The following UCKL1 variants were observed in gnomAD, a reference collection of about 807,000 sequenced individuals.
UCKL1 encodes the protein uridine-cytidine kinase 1 like 1.
A neutral mutation model predicts 59.2 loss-of-function variants in UCKL1; 65 were observed. The observed-to-expected ratio is 1.10, with a 90% CI of 0.90 to 1.35. UCKL1 has a LOEUF of 1.35. Ranked by LOEUF, UCKL1 falls within the 40% of genes most tolerant of loss-of-function variation. UCKL1 has a pLI of 0.00. For synonymous variants in UCKL1, 410 were observed against 323.1 expected (o/e 1.27, Z -2.88); for missense variants, 703 against 784.3 (o/e 0.90, Z 1.24).
At chr20:63,950,161 C>T (rs1410526568) in intron 1 of UCKL1, among the ~76,000 whole-genome samples, 1 of 152,214 alleles carries the variant, frequency 6.6e-6, no homozygotes, top group East Asian at 1.9e-4. Context: ...CCCGCCTCAC[C>T]GCAGGCCTGT....
chr20:63,941,388 C>T, intron 8 of UCKL1, 180 bp from the exon 9 acceptor site: 1 of 949,470 alleles, frequency 1.1e-6, no homozygotes, highest in Non-Finnish European at 1.6e-6. Context: ...CCTACCTGAG[C>T]TGTCAGGCAA....
In UCKL1 at chr20:63,956,409, G is replaced by C; in HGVS notation, c.-37C>G. 1.5e-6 allele frequency: 2 copies of C among 1,354,572 alleles called. No homozygotes were observed. Among genetic ancestry groups the C allele is most frequent in the Non-Finnish European group, 1.9e-6 (2 of 1,051,038 alleles). 83.9% of individuals were successfully genotyped at this position (1,354,572 alleles called of 1,614,324 possible). A position where few individuals can be genotyped will look rare whatever the true frequency, so the allele number is the denominator to read the frequency against. On this transcript the variant is annotated 5_prime_UTR_variant, in exon 1 of 15. Coordinates refer to ENST00000354216, the MANE Select transcript of UCKL1 (RefSeq NM_017859.4). Reference sequence around the variant, plus strand: ...GCCTCTTTGCGGGCCTGGCCGGGCGGCGCGCATGGGCCGCCGGGAGCTGGC... The same window carrying C: ...GCCTCTTTGCGGGCCTGGCCGGGCGCCGCGCATGGGCCGCCGGGAGCTGGC...
At chr20:63,946,293 G>T in intron 2 of UCKL1, 26 bp from the exon 3 acceptor site, 1 of 1,565,268 alleles carries the variant, frequency 6.4e-7, no homozygotes, top group Non-Finnish European at 8.7e-7. Context: ...GAGACCCTCT[G>T]TGAGGAACAG....
chr20:63,940,153 T>C lies in UCKL1; in HGVS notation c.1564A>G (p.Ile522Val), dbSNP rs1271439019. ...VNDLFRIIPG[I>V]GNFGDRYFGT... ...TGAAGGGCCCGGGCAGCCTCACCAA[T>C]GCCTGGGATGATGCGGAAAAGGTCA... is the stretch of plus-strand genomic sequence containing the variant. The change falls in exon 14 of 15, where the codon ATT becomes GTT. Residue 522 changes from isoleucine (I) to valine (V), a missense_variant. Physicochemically the swap from Ile to Val is conservative, Grantham distance 29 (BLOSUM62 3). This residue lies in a region of UCKL1 where 124 missense variants were observed against 161.1 expected (regional missense o/e 0.77). Coordinates refer to ENST00000354216, the MANE Select transcript of UCKL1 (RefSeq NM_017859.4). The C allele has an allele frequency of 2.5e-6, 4 of 1,612,242 alleles. No individual in the cohort carries two copies. Among genetic ancestry groups the C allele is most frequent in the Non-Finnish European group, 3.4e-6 (4 of 1,179,912 alleles).
chr20:63,946,407 G>A (rs375211680), intron 2 of UCKL1, 46 bp downstream of exon 2: 324 of 1,512,300 alleles, frequency 2.1e-4, no homozygotes, highest in South Asian at 5.2e-4. Flanking sequence ...GAGGGGAGCC[G>A]GAGGCAGGCG....
intron 1 of UCKL1, among the ~76,000 whole-genome samples, chr20:63,951,398 C>T (rs985910056): frequency 1.3e-5 from 2 of 152,254 alleles, no homozygotes; most frequent in East Asian, 1.9e-4. Flanking sequence ...TACAGTACCC[C>T]GGCCTGCCTG....
intron 6 of UCKL1, 30 bp downstream of exon 6, chr20:63,944,515 C>T: frequency 6.3e-7 from 1 of 1,596,214 alleles, no homozygotes; most frequent in South Asian, 1.1e-5. Context: ...CTGCCCGACA[C>T]CCACCCAACA....
chr20:63,950,224 G>A (rs2057368404), intron 1 of UCKL1, among the ~76,000 whole-genome samples: 2 of 152,166 alleles, frequency 1.3e-5, no homozygotes, highest in African/African-American at 4.8e-5. Flanking sequence ...CTTCTCCAAA[G>A]CTGGTCTGTC....
rs1341138330 is a variant in UCKL1 at position 63,949,291 on chromosome 20, G to GC, written c.114-2649dup. On this transcript the variant is annotated intron_variant, in intron 1 of 14. Transcript: ENST00000354216. ...GCGCCAAGACGACCAGGCGAGGGCG[G>GC]CCCGGGGGACAGCACCACTGCACGG... Among the ~76,000 whole-genome samples the GC allele has an allele frequency of 2.6e-5, 4 of 152,292 alleles. No individual in the cohort carries two copies. In the East Asian group the frequency reaches 5.8e-4, roughly 22 times the overall value.
chr20:63,942,324 TG>T (rs1444529033), intron 8 of UCKL1: 1 of 772,882 alleles, frequency 1.3e-6, no homozygotes, highest in Non-Finnish European at 1.6e-6. Flanking sequence ...GGGCCGGAAA[TG>T]GGGTGTGGCA....
chr20:63,941,394 G>C, intron 8 of UCKL1, 186 bp from the exon 9 acceptor site: 1 of 890,838 alleles, frequency 1.1e-6, no homozygotes, highest in Non-Finnish European at 1.7e-6. Flanking sequence ...TGAGCTGTCA[G>C]GCAAAGGCGA....
intron 1 of UCKL1, among the ~76,000 whole-genome samples, chr20:63,947,299 G>A (rs1448982788): frequency 6.6e-6 from 1 of 152,238 alleles, no homozygotes; most frequent in African/African-American, 2.4e-5. Flanking sequence ...TCCCCTAGGG[G>A]ACTCAAGGTG....
Position 63,945,892 on chromosome 20 carries a change from G to A in UCKL1, c.495C>T (p.Ile165=), listed in dbSNP as rs551870482. ...GCTTCAGCTTCTTGAGGGTGGAAAT[G>A]ATGAGGTCGAAGTCAAAGGCATCTG... ...DHPDAFDFDL[I]ISTLKKLKQG... Residue 165 remains isoleucine (I), a synonymous_variant, in exon 4 of 15, where the codon ATC becomes ATT. Coordinates refer to ENST00000354216, the MANE Select transcript of UCKL1 (RefSeq NM_017859.4). 6.2e-7 allele frequency: 1 copy of A among 1,613,906 alleles called. No individual in the cohort carries two copies. Among genetic ancestry groups the A allele is most frequent in the South Asian group, 1.1e-5 (1 of 91,076 alleles).
chr20:63,956,114 G>A (rs1477972625), intron 1 of UCKL1, 146 bp downstream of exon 1: 4 of 758,294 alleles, frequency 5.3e-6, no homozygotes, highest in East Asian at 3.6e-5. Context: ...GGTTCCACCC[G>A]GCACGTGGGA....
At chr20:63,951,037 C>A in intron 1 of UCKL1, 1 of 1,229,752 alleles carries the variant, frequency 8.1e-7, no homozygotes. Context: ...AGCCGGGTGG[C>A]TGGGGTGAGA....
At chr20:63,949,366 G>A (rs565425898) in intron 1 of UCKL1, among the ~76,000 whole-genome samples, 1 of 152,248 alleles carries the variant, frequency 6.6e-6, no homozygotes, top group South Asian at 2.1e-4. Context: ...GACCGCATGC[G>A]GGGGCTGCAG....
chr20:63,940,681 G>T lies in UCKL1; in HGVS notation c.1215C>A (p.Thr405=). ...TGVSILRAGE[T]MEPALRAVCK... Reference sequence around the variant, plus strand: ...ACACAGCGCGCAGCGCGGGCTCCATGGTTTCACCGGCGCGCAGAATGGACA... The same window carrying T: ...ACACAGCGCGCAGCGCGGGCTCCATTGTTTCACCGGCGCGCAGAATGGACA... The change falls in exon 12 of 15, where the codon ACC becomes ACA. Residue 405 remains threonine (T), a synonymous_variant. Coordinates refer to ENST00000354216, the MANE Select transcript of UCKL1 (RefSeq NM_017859.4). 1 of 1,608,726 alleles carries T rather than the reference G, an allele frequency of 6.2e-7. No homozygotes were observed. Among genetic ancestry groups the T allele is most frequent in the Non-Finnish European group, 8.5e-7 (1 of 1,178,618 alleles).
chr20:63,948,387 C>G (rs984178862), intron 1 of UCKL1: 1 of 151,872 alleles, frequency 6.6e-6, no homozygotes, highest in Admixed American at 6.5e-5. Flanking sequence ...GAACGCTCCA[C>G]AGATGCCAGT....
rs1316354171 is a variant in UCKL1, at chr20:63,956,078, T to C, written c.113+182A>G. 41 of 524,300 alleles carry C rather than the reference T, an allele frequency of 7.8e-5. No homozygotes were observed. In the Admixed American group the frequency reaches 1.8e-3, roughly 23 times the overall value. 32.5% of individuals were successfully genotyped at this position (524,300 alleles called of 1,614,324 possible). On this transcript the variant is annotated intron_variant, in intron 1 of 14. Transcript: ENST00000354216. ...AGCCTGCCGGCTTGGGCCAGGTCCG[T>C]CCTCCCGGCCGCTTCAAGCCCGCGG...
Sources: gnomAD v4.1 joint callset for allele counts (sites outside exome capture counted in the v4.1 genomes callset) on GRCh38, gnomAD v4.1.1 for gene constraint, gnomAD v4.1.1 regional missense constraint, MANE v1.5 for transcripts, NCBI Gene and HGNC (gene_info 2026-07-23, HGNC 2026-07-21) for gene names.